Variants in USP34 observed in about 807,000 individuals in gnomAD.
The protein encoded by USP34 is ubiquitin specific peptidase 34.
USP34 carries 70 observed loss-of-function variants against 460.3 expected under a neutral mutation model. The ratio of observed to expected loss-of-function variants is 0.15; its 90% CI spans 0.13 to 0.19. The LOEUF (loss-of-function observed/expected upper bound fraction) is 0.19, where lower values mean the gene tolerates loss of function less well. USP34 is among the 10% of genes least tolerant of loss of function. USP34 has a pLI of 1.00. For synonymous variants in USP34, 1,647 were observed against 1,405.3 expected, an observed-to-expected ratio of 1.17 and a Z score of -3.85; for missense variants, 3,985 against 4,236.2, an observed-to-expected ratio of 0.94 and a Z score of 1.65.
chr2:61,295,289 C>T lies in USP34; in HGVS notation c.4256G>A (p.Ser1419Asn). Residue 1419 changes from serine (S) to asparagine (N), a missense_variant and splice_region_variant, in exon 31 of 80, where the codon AGT (serine) becomes AAT (asparagine). Around this residue, in one of 14 missense-constraint regions of USP34, gnomAD observed 1,114 missense variants for 1,122.5 expected, o/e 0.99. Coordinates refer to ENST00000398571, the MANE Select transcript of USP34 (RefSeq NM_014709.4). The stretch of plus-strand genomic sequence containing the variant: ...TTCTTTCCAATTAAATCCATCATTA[C>T]TCTTAAATTAGAAAAACATGTTTCT... Reference protein sequence around the residue: ...MAFQNISDEQSNDGFNWKELL... With the variant: ...MAFQNISDEQNNDGFNWKELL... 6.3e-7 allele frequency: 1 copy of T among 1,584,364 alleles called. No homozygotes were observed. The highest frequency in any genetic ancestry group is 8.6e-7 in the Non-Finnish European group (1 of 1,169,074).
At chr2:61,360,923 A>C (rs748867002) in intron 10 of USP34, among the ~76,000 whole-genome samples, 1 of 152,188 alleles carries the variant, frequency 6.6e-6, no homozygotes, top group Non-Finnish European at 1.5e-5. Flanking sequence ...TGGCCTCCCC[A>C]AAGTGCTGGG....
At chr2:61,190,075 G>T (rs1686585312) in intron 78 of USP34, 196 bp downstream of exon 78, 3 of 522,844 alleles carry the variant, frequency 5.7e-6, no homozygotes, top group Admixed American at 3.9e-5. Flanking sequence ...CCAGCTTGTA[G>T]CTTCCAAGGT....
chr2:61,258,014 G>T (rs1328643520), intron 44 of USP34, among the ~76,000 whole-genome samples: 1 of 152,142 alleles, frequency 6.6e-6, no homozygotes, highest in Non-Finnish European at 1.5e-5. Context: ...ATTTAAACCA[G>T]CAATTTTCTA....
chr2:61,283,044 G>A (rs1003124698), intron 37 of USP34, 101 bp downstream of exon 37: 30 of 1,219,176 alleles, frequency 2.5e-5, no homozygotes, highest in Non-Finnish European at 3.3e-5. Flanking sequence ...ATATATTTAT[G>A]GACTCACGCA....
intron 7 of USP34, among the ~76,000 whole-genome samples, chr2:61,379,866 CCT>C (rs1248467993): frequency 1.3e-5 from 2 of 152,244 alleles, no homozygotes; most frequent in Non-Finnish European, 2.9e-5. Flanking sequence ...TCCAATTATT[CCT>C]CTTTCTCAAA....
intron 53 of USP34, among the ~76,000 whole-genome samples, chr2:61,239,298 TGTCACA>T (rs2103852755): frequency 2.1e-5 from 2 of 97,230 alleles, no homozygotes; most frequent in South Asian, 7.0e-4. Context: ...ATGAGGGCCC[TGTCACA>T]CACACACACA....
At chr2:61,463,741 G>A (rs559562818) in intron 1 of USP34, among the ~76,000 whole-genome samples, 2 of 152,050 alleles carry the variant, frequency 1.3e-5, no homozygotes, top group South Asian at 4.2e-4. Context: ...GGCTGAGGCA[G>A]GAGAATCGCT....
chr2:61,283,941 G>T (rs879705942), intron 35 of USP34, among the ~76,000 whole-genome samples: 190 of 152,084 alleles, frequency 1.2e-3, no homozygotes, highest in Non-Finnish European at 1.8e-3. Flanking sequence ...AGGGTAGGGT[G>T]GGGTGGGGCA....
At chr2:61,349,422 C>T in intron 12 of USP34, 137 bp from the exon 13 acceptor site, 1 of 787,834 alleles carries the variant, frequency 1.3e-6, no homozygotes, top group South Asian at 1.9e-5. Context: ...TCCCCACCAC[C>T]TACAGTAGTT....
chr2:61,427,957 G>A (rs1165922809), intron 1 of USP34, among the ~76,000 whole-genome samples: 1 of 152,054 alleles, frequency 6.6e-6, no homozygotes, highest in Admixed American at 6.6e-5. Flanking sequence ...GAAGTCAGGA[G>A]TTTGAGACCA....
intron 2 of USP34, among the ~76,000 whole-genome samples, chr2:61,418,449 T>A (rs996329880): frequency 5.3e-5 from 8 of 152,206 alleles, no homozygotes; most frequent in Non-Finnish European, 5.9e-5. Flanking sequence ...AAAAACAATT[T>A]ATGACCACTA....
intron 1 of USP34, among the ~76,000 whole-genome samples, chr2:61,461,481 G>T (rs1161403598): frequency 6.6e-6 from 1 of 151,558 alleles, no homozygotes; most frequent in Non-Finnish European, 1.5e-5. Context: ...AAATATGAAT[G>T]GTTAAATTTA....
chr2:61,294,912 T>C lies in USP34; in HGVS notation c.4461+37A>G, dbSNP rs35292974. The C allele has an allele frequency of 0.37, 573,661 of 1,540,902 alleles. 107,899 individuals are homozygous for C. The highest frequency in any genetic ancestry group is 0.38 in the Non-Finnish European group (430,172 of 1,128,136). ...CTTTTGAAAAACTGAAGATAAATTA[T>C]TTTTATCAATACATTGAAAAACACA... is the stretch of plus-strand genomic sequence containing the variant. On this transcript the variant is annotated intron_variant, in intron 32 of 79. Coordinates refer to ENST00000398571, the MANE Select transcript of USP34 (RefSeq NM_014709.4).
intron 70 of USP34, 85 bp from the exon 71 acceptor site, chr2:61,206,971 G>C: frequency 1.4e-6 from 2 of 1,404,918 alleles, no homozygotes; most frequent in Non-Finnish European, 1.9e-6. Flanking sequence ...CTCTACGATA[G>C]ATGTTTTCAG....
At chr2:61,259,000 C>T (rs1452886767) in intron 44 of USP34, among the ~76,000 whole-genome samples, 1 of 152,162 alleles carries the variant, frequency 6.6e-6, no homozygotes, top group South Asian at 2.1e-4. Flanking sequence ...TGGCTCACAC[C>T]TGTAATCCCA....
chr2:61,417,300 C>G (rs925446836), intron 2 of USP34: 1 of 760,670 alleles, frequency 1.3e-6, no homozygotes, highest in African/African-American at 1.7e-5. Flanking sequence ...GCATACACTA[C>G]CAAGGAAGCT....
intron 23 of USP34, among the ~76,000 whole-genome samples, chr2:61,315,187 T>C (rs888802447): frequency 4.6e-5 from 7 of 152,220 alleles, no homozygotes; most frequent in African/African-American, 1.7e-4. Flanking sequence ...ATATACATGT[T>C]TAACTCACAA....
intron 49 of USP34, among the ~76,000 whole-genome samples, chr2:61,248,301 A>G (rs917053891): frequency 7.2e-5 from 11 of 152,078 alleles, no homozygotes; most frequent in African/African-American, 2.2e-4. Flanking sequence ...CTGTGTCTCC[A>G]GTATACAGAA....
At chr2:61,434,547 T>C (rs371777294) in intron 1 of USP34, among the ~76,000 whole-genome samples, 13 of 152,116 alleles carry the variant, frequency 8.5e-5, no homozygotes, top group African/African-American at 3.1e-4. Context: ...TGTCCCTGAC[T>C]TGAGAAACAG....
Sources: allele counts gnomAD v4.1 joint callset (sites outside exome capture counted in the v4.1 genomes callset), GRCh38; gene constraint gnomAD v4.1.1; regional missense constraint gnomAD v4.1.1; transcripts MANE v1.5; gene names NCBI Gene and HGNC (gene_info 2026-07-23, HGNC 2026-07-21).